Variants in PRKCB observed in about 807,000 individuals in gnomAD.
PRKCB encodes the protein protein kinase C beta.
PRKCB carries 13 observed loss-of-function variants against 81.5 expected under a neutral mutation model. That is an observed-to-expected ratio of 0.16 (90% confidence interval 0.10 to 0.25). The LOEUF (loss-of-function observed/expected upper bound fraction) is 0.25, where lower values mean the gene tolerates loss of function less well. Ranked by LOEUF, PRKCB falls within the 10% of genes least tolerant of loss-of-function variation. PRKCB has a pLI of 1.00. For missense variants in PRKCB, 509 were observed against 875.7 expected (o/e 0.58, Z 5.29); for synonymous variants, 335 against 321.4 (o/e 1.04, Z -0.45).
chr16:23,890,021 T>A (rs1168699567), intron 2 of PRKCB, among the ~76,000 whole-genome samples: 1 of 152,262 alleles, frequency 6.6e-6, no homozygotes, highest in African/African-American at 2.4e-5. Context: ...TTCACTTATC[T>A]AATTCCAATA....
chr16:24,191,804 G>A (rs888424569), intron 16 of PRKCB, among the ~76,000 whole-genome samples: 1 of 152,218 alleles, frequency 6.6e-6, no homozygotes, highest in Non-Finnish European at 1.5e-5. Context: ...TTTGGGTGTG[G>A]AGATGGCTTT....
intron 5 of PRKCB, among the ~76,000 whole-genome samples, chr16:24,045,429 C>G (rs1596526436): frequency 6.6e-6 from 1 of 152,188 alleles, no homozygotes; most frequent in African/African-American, 2.4e-5. Flanking sequence ...ATCATCCTTG[C>G]TGAGTCGCAT....
intron 8 of PRKCB, among the ~76,000 whole-genome samples, chr16:24,118,383 G>C (rs539822203): frequency 2.0e-5 from 3 of 152,230 alleles, no homozygotes; most frequent in Admixed American, 2.0e-4. Context: ...CCCCCTTCGG[G>C]ATAAATAAAG....
chr16:24,175,590 G>A lies in PRKCB; in HGVS notation c.1394+1010G>A, dbSNP rs185500749. 5.9e-5 allele frequency among the ~76,000 whole-genome samples: 9 copies of A among 152,008 alleles called. No homozygotes were observed. The East Asian group carries it at 1.8e-3, about 30-fold the overall frequency. The stretch of plus-strand genomic sequence containing the variant: ...GTGTTGGAGGGTTCTCTCTCATTCT[G>A]TAGAGAGCATGATGATGAGGGCCTG... On this transcript the variant is annotated intron_variant, in intron 12 of 16. Transcript: ENST00000643927.
chr16:23,921,164 G>T (rs570473933), intron 2 of PRKCB, among the ~76,000 whole-genome samples: 1 of 152,320 alleles, frequency 6.6e-6, no homozygotes, highest in Non-Finnish European at 1.5e-5. Flanking sequence ...TTCAAAGTGA[G>T]ATTTGGGTGG....
intron 2 of PRKCB, among the ~76,000 whole-genome samples, chr16:23,874,824 TAA>T (rs905558042): frequency 5.3e-5 from 8 of 152,208 alleles, no homozygotes; most frequent in African/African-American, 1.9e-4. Context: ...ATGAAATCCT[TAA>T]GTGATTCACA....
intron 2 of PRKCB, among the ~76,000 whole-genome samples, chr16:23,860,724 A>G (rs1418391668): frequency 1.5e-5 from 2 of 131,238 alleles, no homozygotes; most frequent in Admixed American, 7.5e-5. Flanking sequence ...CATCTCTACT[A>G]AAAAAAAAAA....
At chr16:24,212,346 G>T (rs527268052) in intron 16 of PRKCB, among the ~76,000 whole-genome samples, 5 of 138,528 alleles carry the variant, frequency 3.6e-5, no homozygotes, top group Middle Eastern at 0.01. Context: ...CATTGAAAGT[G>T]CTCACTGGTT....
chr16:23,887,685 T>A (rs1333430137), intron 2 of PRKCB, among the ~76,000 whole-genome samples: 1 of 152,256 alleles, frequency 6.6e-6, no homozygotes, highest in Non-Finnish European at 1.5e-5. Flanking sequence ...TTTGGTGGAA[T>A]GATGTGTTTT....
chr16:24,203,493 A>G (rs1020595568), intron 16 of PRKCB, among the ~76,000 whole-genome samples: 3 of 152,216 alleles, frequency 2.0e-5, no homozygotes, highest in Admixed American at 2.0e-4. Flanking sequence ...ACCTCTCAAC[A>G]CTGTTGCATT....
At chr16:24,085,476 T>C (rs1462432545) in intron 5 of PRKCB, among the ~76,000 whole-genome samples, 1 of 152,238 alleles carries the variant, frequency 6.6e-6, no homozygotes, top group East Asian at 1.9e-4. Flanking sequence ...GTGCCTTACA[T>C]TCCACTTTGA....
intron 2 of PRKCB, among the ~76,000 whole-genome samples, chr16:23,943,650 G>A (rs1294195491): frequency 1.3e-5 from 2 of 152,198 alleles, no homozygotes; most frequent in Non-Finnish European, 2.9e-5. Context: ...CTGTACAAAT[G>A]TAAAGGCAAT....
At chr16:23,875,176 T>C (rs745798953) in intron 2 of PRKCB, among the ~76,000 whole-genome samples, 21 of 151,906 alleles carry the variant, frequency 1.4e-4, no homozygotes, top group Non-Finnish European at 2.5e-4. Context: ...TGGTTGGGAC[T>C]ACAAGCACGT....
chr16:24,027,509 A>C (rs1443949548), intron 3 of PRKCB, among the ~76,000 whole-genome samples: 1 of 152,108 alleles, frequency 6.6e-6, no homozygotes, highest in Non-Finnish European at 1.5e-5. Context: ...TCAATCTTTG[A>C]GCAGGACAGA....
rs1968249354 is a variant in PRKCB at position 24,217,634 on chromosome 16, T to C, written c.*2818T>C. ...AAGTCCTGTCTGGACCATGTGGTTA[T>C]CTGAAGCATTAGCCATCACCAGCAC... On this transcript the variant is annotated 3_prime_UTR_variant, in exon 17 of 17. Transcript: ENST00000643927. 2 of 985,360 alleles carry C rather than the reference T, an allele frequency of 2.0e-6. No individual in the cohort carries two copies. The highest frequency in any genetic ancestry group is 1.2e-6 in the Non-Finnish European group (1 of 829,976). The allele number at this position is 985,360 out of a possible 1,614,324, so 61.0% of individuals were successfully genotyped here. A position where few individuals can be genotyped will look rare whatever the true frequency, so the allele number is the denominator to read the frequency against.
chr16:24,149,066 G>C lies in PRKCB; in HGVS notation c.1066-5618G>C, dbSNP rs77566030. On this transcript the variant is annotated intron_variant, in intron 9 of 16. Transcript: ENST00000643927. ...TTTCCTGCACTGGCTGGAGCACCTGGGGCTGCCTGGTCATCAAGCTTATCA... is the reference window on the plus strand; with the variant it reads ...TTTCCTGCACTGGCTGGAGCACCTGCGGCTGCCTGGTCATCAAGCTTATCA... Among the ~76,000 whole-genome samples the C allele has an allele frequency of 5.4e-3, 829 of 152,252 alleles. 6 individuals carry two copies. The highest frequency in any genetic ancestry group is 0.019 in the African/African-American group (802 of 41,548).
intron 2 of PRKCB, among the ~76,000 whole-genome samples, chr16:23,880,062 A>G (rs541479798): frequency 3.3e-5 from 5 of 152,290 alleles, no homozygotes; most frequent in African/African-American, 9.6e-5. Flanking sequence ...CTGAAAGTGT[A>G]TTAATATTAT....
At chr16:23,904,874 T>A (rs1963532367) in intron 2 of PRKCB, among the ~76,000 whole-genome samples, 1 of 152,094 alleles carries the variant, frequency 6.6e-6, no homozygotes, top group African/African-American at 2.4e-5. Context: ...ATGGAGATGA[T>A]CTGAGAGGCC....
At chr16:24,037,098 C>T (rs1435302568) in intron 5 of PRKCB, among the ~76,000 whole-genome samples, 1 of 152,170 alleles carries the variant, frequency 6.6e-6, no homozygotes, top group Non-Finnish European at 1.5e-5. Context: ...AAGCGATTCT[C>T]CTGCCTCAGC....
Sources: gnomAD v4.1 joint callset for allele counts (sites outside exome capture counted in the v4.1 genomes callset) on GRCh38, gnomAD v4.1.1 for gene constraint, MANE v1.5 for transcripts, NCBI Gene and HGNC (gene_info 2026-07-23, HGNC 2026-07-21) for gene names.